The following USP11 variants were observed in gnomAD, a reference collection of about 807,000 sequenced individuals.
The protein encoded by USP11 is ubiquitin specific peptidase 11.
USP11 carries 5 observed loss-of-function variants against 72.8 expected under a neutral mutation model. That is an observed-to-expected ratio of 0.07 (90% CI 0.04 to 0.14). The LOEUF is 0.14. Ranked by LOEUF, USP11 falls within the 10% of genes least tolerant of loss-of-function variation. The probability of loss-of-function intolerance (pLI) is 1.00; values close to 1 mark genes in which losing one functional copy is unlikely to be tolerated. For synonymous variants in USP11, 368 were observed against 326.5 expected (o/e 1.13, Z -1.37); for missense variants, 480 against 794.7 (o/e 0.60, Z 4.76).
chrX:47,241,097 G>A (rs751025364), intron 7 of USP11, 180 bp from the exon 8 acceptor site: 61 of 565,872 alleles, frequency 1.1e-4, no homozygotes, highest in Admixed American at 1.6e-4. Context: ...CTGTTCCCAC[G>A]TTCTTCCTTC....
rs186282196 is a variant in USP11, at chrX:47,238,594, C to G, written c.177-476C>G. 3.6e-3 allele frequency among the ~76,000 whole-genome samples: 377 copies of G among 103,754 alleles called. 1 individual carries two copies. The highest frequency in any genetic ancestry group is 0.013 in the African/African-American group (364 of 28,009). The allele number at this position is 103,754 out of a possible 115,157, so 90.1% of individuals were successfully genotyped here. Reference sequence around the variant, plus strand: ...GCTCCTTTTAAAAGCAGATTTTTCACCATTTATCAAATCTAGTTCTTAGCT... The same window carrying G: ...GCTCCTTTTAAAAGCAGATTTTTCAGCATTTATCAAATCTAGTTCTTAGCT... On this transcript the variant is annotated intron_variant, in intron 1 of 20. Coordinates refer to ENST00000377107, the MANE Select transcript of USP11 (RefSeq NM_001371072.1).
rs747362931 is a variant in USP11, at chrX:47,247,287, C to T, written c.2421-17C>T. ...AAGGAGGGGGTGTACCAGTATTAAC[C>T]CTCTCCCCACCCACAGGGACCTGGA... is the stretch of plus-strand genomic sequence containing the variant. On this transcript the variant is annotated splice_polypyrimidine_tract_variant and intron_variant, in intron 18 of 20. Coordinates refer to ENST00000377107, the MANE Select transcript of USP11 (RefSeq NM_001371072.1). The T allele has an allele frequency of 2.5e-6, 3 of 1,211,084 alleles. No homozygotes were observed. The highest frequency in any genetic ancestry group is 3.4e-6 in the Non-Finnish European group (3 of 894,965).
chrX:47,234,415 AC>A (rs754728168), intron 1 of USP11, among the ~76,000 whole-genome samples: 9 of 112,326 alleles, frequency 8.0e-5, no homozygotes, highest in Middle Eastern at 4.6e-3. Context: ...GGCAATGGAA[AC>A]GTCGGTGAAA....
intron 13 of USP11, among the ~76,000 whole-genome samples, chrX:47,244,131 C>T (rs1350267277): frequency 1.1e-5 from 1 of 93,372 alleles, no homozygotes; most frequent in East Asian, 3.3e-4. Context: ...TGGAGTCTTG[C>T]TCTGTTGCCC....
Position 47,239,888 on chromosome X carries a change from C to T in USP11, c.516C>T (p.Phe172=). Residue 172 remains phenylalanine (F), a synonymous_variant, in exon 4 of 21, where the codon TTC becomes TTT. Coordinates refer to ENST00000377107, the MANE Select transcript of USP11 (RefSeq NM_001371072.1). ...TGGGCAAATCTCACACTGTTCAGTT[C>T]AGCCATACCGATTCTATTGGTGAGT... ...NDLGKSHTVQ[F]SHTDSIGLVL... 12 of 1,211,333 alleles carry T rather than the reference C, an allele frequency of 9.9e-6. No individual in the cohort carries two copies. Among genetic ancestry groups the T allele is most frequent in the Non-Finnish European group, 1.3e-5 (12 of 895,167 alleles).
At position 47,242,637 on chromosome X, in the gene USP11, T is replaced by C; in HGVS notation, c.1500T>C (p.Ala500=). The C allele has an allele frequency of 1.7e-6, 2 of 1,210,954 alleles. No individual in the cohort carries two copies. The highest frequency in any genetic ancestry group is 2.2e-6 in the Non-Finnish European group (2 of 894,542). ...TATCCCATTCCTAGATGATGGTGGC[T>C]GATGTCTTCAGTCACCGCTTCTATA... ...TGISPERMMV[A]DVFSHRFYKL... Residue 500 remains alanine, a synonymous_variant, in exon 12 of 21, where the codon GCT becomes GCC. Transcript: ENST00000377107.
chrX:47,235,048 G>A (rs929835003), intron 1 of USP11, among the ~76,000 whole-genome samples: 5 of 111,503 alleles, frequency 4.5e-5, no homozygotes, highest in Non-Finnish European at 9.4e-5. Flanking sequence ...AAATAAAAAC[G>A]TGTGAATTCA....
chrX:47,240,458 TG>T lies in USP11; in HGVS notation c.681+12del. 8 of 1,209,833 alleles carry T rather than the reference TG, an allele frequency of 6.6e-6. No individual in the cohort carries two copies. The highest frequency in any genetic ancestry group is 8.9e-6 in the Non-Finnish European group (8 of 894,799). On this transcript the variant is annotated intron_variant, in intron 5 of 20. Coordinates refer to ENST00000377107, the MANE Select transcript of USP11 (RefSeq NM_001371072.1). ...GCCCTTGAGACTGGGCAGGTAAGGG[TG>T]GGGAGGGCTTTTCTGTTCAGGTGGA... is the stretch of plus-strand genomic sequence containing the variant.
intron 1 of USP11, among the ~76,000 whole-genome samples, chrX:47,235,317 C>T (rs964555765): frequency 2.7e-5 from 3 of 112,062 alleles, no homozygotes; most frequent in African/African-American, 9.7e-5. Context: ...ATCTTCGCAT[C>T]GGGTAATACA....
chrX:47,236,145 A>G (rs2055370838), intron 1 of USP11, among the ~76,000 whole-genome samples: 1 of 112,281 alleles, frequency 8.9e-6, no homozygotes, highest in African/African-American at 3.2e-5. Flanking sequence ...GGTTAATGTT[A>G]TGTTATGTGA....
At position 47,242,096 on chromosome X, in the gene USP11, G is replaced by A. The variant is rs2055406448; in HGVS notation, c.1194G>A (p.Glu398=). The change falls in exon 10 of 21, where the codon GAG becomes GAA. Residue 398 remains glutamate, a synonymous_variant. Transcript: ENST00000377107. ...AGRPDQEVAQ[E]AWQNHKRRND... Reference sequence around the variant, plus strand: ...ACTATCAACAGGAGGTGGCACAGGAGGCATGGCAAAACCACAAACGGCGGA... The same window carrying A: ...ACTATCAACAGGAGGTGGCACAGGAAGCATGGCAAAACCACAAACGGCGGA... The A allele has an allele frequency of 8.3e-7, 1 of 1,210,203 alleles. No individual in the cohort carries two copies. The highest frequency in any genetic ancestry group is 1.8e-5 in the South Asian group (1 of 56,644).
chrX:47,239,100 G>A lies in USP11; in HGVS notation c.207G>A (p.Gln69=), dbSNP rs1317941483. 2.5e-6 allele frequency: 3 copies of A among 1,208,549 alleles called. No homozygotes were observed. Among genetic ancestry groups the A allele is most frequent in the East Asian group, 3.0e-5 (1 of 33,748 alleles). The change falls in exon 2 of 21, where the codon CAG becomes CAA. Residue 69 remains glutamine (Q), a synonymous_variant. Transcript: ENST00000377107. ...TTGTGGAGAAGCACTGGTATAAGCA[G>A]TGGGAGGCATACGTGCAGGGAGGGG... ...WFLVEKHWYK[Q]WEAYVQGGDQ...
At position 47,247,689 on chromosome X, in the gene USP11, A is replaced by G. The variant is rs886293201; in HGVS notation, c.2615A>G (p.Asn872Ser). ...DDNSVSPVNE[N>S]QIESKAAYVL... ...AACAGCGTCTCCCCTGTCAATGAGA[A>G]TCAGATCGAGGTGTGACTTCCATCC... The change falls in exon 20 of 21, where the codon AAT becomes AGT. Residue 872 changes from asparagine (N) to serine (S), a missense_variant. Around this residue, in one of 5 missense-constraint regions of USP11, gnomAD observed 314 missense variants for 556.0 expected, o/e 0.56. Transcript: ENST00000377107. 15 of 1,208,477 alleles carry G rather than the reference A, an allele frequency of 1.2e-5. No individual in the cohort carries two copies. The Admixed American group carries it at 3.3e-4, about 27-fold the overall frequency.
chrX:47,241,225 TG>T (rs966436049), intron 7 of USP11, 51 bp from the exon 8 acceptor site: 13 of 1,141,080 alleles, frequency 1.1e-5, no homozygotes, highest in Non-Finnish European at 1.5e-5. Flanking sequence ...ATCCTCACTT[TG>T]AACCTTCTGT....
intron 19 of USP11, 93 bp from the exon 20 acceptor site, chrX:47,247,518 G>A (rs1337849002): frequency 1.9e-5 from 22 of 1,155,708 alleles, no homozygotes; most frequent in Non-Finnish European, 2.6e-5. Flanking sequence ...AGCCAGTGGT[G>A]AGGTTATCGT....
rs1303182693 is a variant in USP11 at position 47,233,179 on chromosome X, G to C, written c.136G>C (p.Glu46Gln). Reference protein sequence around the residue: ...DSQWRQIENGESGRERPLRAG... With the variant: ...DSQWRQIENGQSGRERPLRAG... ...CCAGTGGCGCCAGATAGAAAACGGCGAGAGTGGGCGAGAACGTCCACTGCG... is the reference window on the plus strand; with the variant it reads ...CCAGTGGCGCCAGATAGAAAACGGCCAGAGTGGGCGAGAACGTCCACTGCG... Residue 46 changes from glutamate to glutamine, a missense_variant, in exon 1 of 21, where the codon GAG (glutamate) becomes CAG (glutamine). By Grantham distance (29) the Glu-to-Gln change is conservative. Transcript: ENST00000377107. 1 of 1,184,836 alleles carries C rather than the reference G, an allele frequency of 8.4e-7. No individual in the cohort carries two copies. The highest frequency in any genetic ancestry group is 2.3e-5 in the Admixed American group (1 of 42,966).
chrX:47,234,457 CTAA>C (rs1175183141), intron 1 of USP11, among the ~76,000 whole-genome samples: 4 of 112,006 alleles, frequency 3.6e-5, no homozygotes, highest in African/African-American at 6.5e-5. Context: ...ACTAGTACTA[CTAA>C]TAATTGTGAT....
chrX:47,236,796 T>G (rs2055374058), intron 1 of USP11, among the ~76,000 whole-genome samples: 1 of 112,304 alleles, frequency 8.9e-6, no homozygotes, highest in South Asian at 3.7e-4. Flanking sequence ...TTAAAATTTA[T>G]GATACCATTT....
rs1476486013 is a variant in USP11 at position 47,247,224 on chromosome X, C to G, written c.2420+3C>G. The G allele has an allele frequency of 2.5e-6, 3 of 1,208,242 alleles. No individual in the cohort carries two copies. The highest frequency in any genetic ancestry group is 3.4e-6 in the Non-Finnish European group (3 of 894,779). On this transcript the variant is annotated splice_donor_region_variant and intron_variant, in intron 18 of 20. Coordinates refer to ENST00000377107, the MANE Select transcript of USP11 (RefSeq NM_001371072.1). ...ACCCTCGTGGAGTTTCCTATCCGGT[C>G]AGGGGCCAGGGAGAGGATGGCTGGG...
Sources: gnomAD v4.1 joint callset for allele counts (sites outside exome capture counted in the v4.1 genomes callset) on GRCh38, gnomAD v4.1.1 for gene constraint, gnomAD v4.1.1 regional missense constraint, MANE v1.5 for transcripts, NCBI Gene and HGNC (gene_info 2026-07-23, HGNC 2026-07-21) for gene names.